Variants in STKLD1 observed in about 807,000 individuals in gnomAD.
STKLD1 encodes serine/threonine kinase like domain containing 1, also known as serine/threonine kinase-like domain-containing protein STKLD1.
A neutral mutation model predicts 80.4 loss-of-function variants in STKLD1; 79 were observed. The ratio of observed to expected loss-of-function variants is 0.98; its 90% CI spans 0.82 to 1.19. STKLD1 has a LOEUF of 1.19. STKLD1 is among the 50% of genes most tolerant of loss of function. The probability of loss-of-function intolerance (pLI) is 0.00; values close to 1 mark genes in which losing one functional copy is unlikely to be tolerated. For missense variants in STKLD1, 841 were observed against 856.0 expected, an observed-to-expected ratio of 0.98 and a Z score of 0.22; for synonymous variants, 393 against 357.6, an observed-to-expected ratio of 1.10 and a Z score of -1.12.
intron 1 of STKLD1, among the ~76,000 whole-genome samples, chr9:133,377,081 C>G (rs2130252742): frequency 3.0e-4 from 45 of 152,304 alleles, no homozygotes; most frequent in South Asian, 1.2e-3. Context: ...AATGCATTCG[C>G]TTGGAAACAG....
At position 133,387,373 on chromosome 9, in the gene STKLD1, G is replaced by A. The variant is rs112304622; in HGVS notation, c.295-74G>A. ...GCAAATGGCAGCTGAGCGCAGGGAG[G>A]CCCTGGAGCAGGTGAGCCTGCAGAA... On this transcript the variant is annotated intron_variant, in intron 4 of 17. Transcript: ENST00000371957. The A allele has an allele frequency of 1.1e-4, 135 of 1,211,404 alleles. No homozygotes were observed. The African/African-American group carries it at 1.2e-3, about 11-fold the overall frequency. The allele number at this position is 1,211,404 out of a possible 1,614,324, so 75.0% of individuals were successfully genotyped here.
intron 16 of STKLD1, 118 bp downstream of exon 16, chr9:133,404,166 A>C: frequency 2.3e-6 from 3 of 1,298,838 alleles, no homozygotes; most frequent in Non-Finnish European, 3.1e-6. Context: ...TCAAAAAGGA[A>C]AAGAAATTAA....
intron 7 of STKLD1, among the ~76,000 whole-genome samples, chr9:133,391,190 G>A (rs1382153662): frequency 6.6e-6 from 1 of 150,814 alleles, no homozygotes; most frequent in Admixed American, 6.6e-5. Context: ...GGGAGGTGGG[G>A]GGCTCAGCCC....
rs782280372 is a variant in STKLD1, at chr9:133,402,900, G to T, written c.1362G>T (p.Glu454Asp). 1 of 1,592,064 alleles carries T rather than the reference G, an allele frequency of 6.3e-7. No individual in the cohort carries two copies. Among genetic ancestry groups the T allele is most frequent in the African/African-American group, 1.3e-5 (1 of 74,550 alleles). The change falls in exon 14 of 18, where the codon GAG (glutamate) becomes GAT (aspartate). Residue 454 changes from glutamate to aspartate, a missense_variant. Transcript: ENST00000371957. ...TTQESESLSEELQNAGLLEHI... is the reference protein window; with the variant it reads ...TTQESESLSEDLQNAGLLEHI... ...CAGAGTCAGAGTCACTGTCAGAGGAGCTGCAGAATGCTGGGCTGCTGGAGC... is the reference window on the plus strand; with the variant it reads ...CAGAGTCAGAGTCACTGTCAGAGGATCTGCAGAATGCTGGGCTGCTGGAGC...
rs2130271318 is a variant in STKLD1, at chr9:133,383,880, G to A, written c.199G>A (p.Ala67Thr). The change falls in exon 3 of 18, where the codon GCC (alanine) becomes ACC (threonine). Residue 67 changes from alanine to threonine, a missense_variant. Coordinates refer to ENST00000371957, the MANE Select transcript of STKLD1 (RefSeq NM_153710.5). ...KQVECMDDHY[A>T]SQALEELMPL... ...GGTGGAATGCATGGATGACCATTACGCCAGTCAGGCCCTGGAGGAGGTAAC... is the reference window on the plus strand; with the variant it reads ...GGTGGAATGCATGGATGACCATTACACCAGTCAGGCCCTGGAGGAGGTAAC... The A allele has an allele frequency of 1.7e-5, 27 of 1,613,870 alleles. No homozygotes were observed. In the African/African-American group the frequency reaches 2.9e-4, roughly 18 times the overall value.
rs2130290318 is a variant in STKLD1, at chr9:133,391,841, TAAAA to T, written c.583+1056_583+1059del. 1.4e-3 allele frequency among the ~76,000 whole-genome samples: 196 copies of T among 136,892 alleles called. 1 individual carries two copies. Among genetic ancestry groups the T allele is most frequent in the African/African-American group, 1.1e-3 (41 of 37,280 alleles). The allele number at this position is 136,892 out of a possible 152,430, so 89.8% of individuals were successfully genotyped here. On this transcript the variant is annotated intron_variant, in intron 7 of 17. Coordinates refer to ENST00000371957, the MANE Select transcript of STKLD1 (RefSeq NM_153710.5). The stretch of plus-strand genomic sequence containing the variant: ...CGAGAAACACCCAAGAATGATCAAT[TAAAA>T]AAAAAAAAAAGAAAGAAAATGCCCA...
intron 12 of STKLD1, 91 bp from the exon 13 acceptor site, chr9:133,401,647 G>A: frequency 6.9e-7 from 1 of 1,449,002 alleles, no homozygotes; most frequent in Non-Finnish European, 9.2e-7. Context: ...GCAAAGTGGA[G>A]ATGCTATCCC....
chr9:133,383,623 AGTG>A (rs1393485373), intron 2 of STKLD1, among the ~76,000 whole-genome samples: 1 of 19,010 alleles, frequency 5.3e-5, no homozygotes, highest in African/African-American at 2.0e-4. Flanking sequence ...TGGTAATGGT[AGTG>A]GTGGTGGTGT....
Position 133,390,543 on chromosome 9 carries a change from G to A in STKLD1, c.468-138G>A. 1.5e-6 allele frequency: 1 copy of A among 667,454 alleles called. No homozygotes were observed. Among genetic ancestry groups the A allele is most frequent in the Admixed American group, 2.3e-5 (1 of 43,478 alleles). 41.3% of individuals were successfully genotyped at this position (667,454 alleles called of 1,614,324 possible). ...TTTTGTGGAGGAGAGGAGGATGTGG[G>A]CTGCTGCTGCAGAACCAGGTGGGGC... On this transcript the variant is annotated intron_variant, in intron 6 of 17. Transcript: ENST00000371957. This position sits in a 1 kb window ranked among gnomAD's most constrained non-coding sequence, Gnocchi z 5.1.
intron 13 of STKLD1, 75 bp downstream of exon 13, chr9:133,401,953 T>A: frequency 6.3e-7 from 1 of 1,575,476 alleles, no homozygotes. Context: ...AAGGGTTGGT[T>A]TGGGGTATAG....
intron 5 of STKLD1, among the ~76,000 whole-genome samples, chr9:133,388,112 C>T (rs1389912760): frequency 6.6e-6 from 1 of 152,144 alleles, no homozygotes; most frequent in Non-Finnish European, 1.5e-5. Flanking sequence ...ATTATTGGGT[C>T]GTAGAGTACA....
At chr9:133,404,221 TC>T (rs1190956294) in intron 16 of STKLD1, among the ~76,000 whole-genome samples, 173 bp downstream of exon 16, 1 of 152,208 alleles carries the variant, frequency 6.6e-6, no homozygotes, top group Non-Finnish European at 1.5e-5. Flanking sequence ...ATCAAGACTT[TC>T]ACGCACACTT....
chr9:133,395,690 C>A lies in STKLD1; in HGVS notation c.793C>A (p.Pro265Thr). 1 of 1,613,472 alleles carries A rather than the reference C, an allele frequency of 6.2e-7. No homozygotes were observed. The highest frequency in any genetic ancestry group is 2.2e-5 in the East Asian group (1 of 44,888). ...GAAGACAATGGAGGAGAAGCAGATCCCGGATGTGGAAACCTTCAGGAATCT... is the reference window on the plus strand; with the variant it reads ...GAAGACAATGGAGGAGAAGCAGATCACGGATGTGGAAACCTTCAGGAATCT... ...VLKTMEEKQI[P>T]DVETFRNLLP... Residue 265 changes from proline to threonine, a missense_variant, in exon 9 of 18, where the codon CCG becomes ACG. Physicochemically the swap from Pro to Thr is conservative, Grantham distance 38 (BLOSUM62 -1). Transcript: ENST00000371957.
intron 13 of STKLD1, 65 bp from the exon 14 acceptor site, chr9:133,402,810 GGAC>G: frequency 6.5e-7 from 1 of 1,540,040 alleles, no homozygotes; most frequent in South Asian, 1.2e-5. Flanking sequence ...CAGTGCCCAA[GGAC>G]AACAGAGGCA....
chr9:133,385,161 TCTC>T lies in STKLD1; in HGVS notation c.220-455_220-453del, dbSNP rs1838236525. 6.6e-6 allele frequency among the ~76,000 whole-genome samples: 1 copy of T among 152,150 alleles called. No homozygotes were observed. The highest frequency in any genetic ancestry group is 2.4e-5 in the African/African-American group (1 of 41,434). ...AAGCAGTTGTCTGTCTGGCTCCATG[TCTC>T]TAAGGCAGCCCTATCTGCTCCTGTT... On this transcript the variant is annotated intron_variant, in intron 3 of 17. Coordinates refer to ENST00000371957, the MANE Select transcript of STKLD1 (RefSeq NM_153710.5). The surrounding 1 kb of genome is among the most constrained non-coding windows in gnomAD (Gnocchi z 4.9).
chr9:133,376,642 C>T (rs1837966637), intron 1 of STKLD1, 82 bp downstream of exon 1: 3 of 1,237,866 alleles, frequency 2.4e-6, no homozygotes, highest in Non-Finnish European at 3.3e-6. Context: ...CGGTTCCGAC[C>T]GAGGGCGGCG....
intron 16 of STKLD1, 148 bp downstream of exon 16, chr9:133,404,196 C>T: frequency 9.5e-7 from 1 of 1,047,988 alleles, no homozygotes; most frequent in South Asian, 1.7e-5. Flanking sequence ...GAAGTCCAGT[C>T]ATCCAGAAAT....
intron 16 of STKLD1, among the ~76,000 whole-genome samples, chr9:133,404,407 G>T (rs1838788617): frequency 6.6e-6 from 1 of 152,146 alleles, no homozygotes; most frequent in Non-Finnish European, 1.5e-5. Flanking sequence ...CAGCTAGACA[G>T]GCTGGGCCCA....
rs1554777711 is a variant in STKLD1, at chr9:133,401,785, A to G, written c.1246A>G (p.Thr416Ala). 1 of 1,613,220 alleles carries G rather than the reference A, an allele frequency of 6.2e-7. No individual in the cohort carries two copies. Among genetic ancestry groups the G allele is most frequent in the African/African-American group, 1.3e-5 (1 of 74,900 alleles). Residue 416 changes from threonine (T) to alanine (A), a missense_variant, in exon 13 of 18, where the codon ACC (threonine) becomes GCC (alanine). Thr to Ala is a moderately conservative substitution (Grantham distance 58). Coordinates refer to ENST00000371957, the MANE Select transcript of STKLD1 (RefSeq NM_153710.5). ...CAAGGCTCCCTGCAACCAAGCCATC[A>G]CCTCCACCCTGCTGAGTGCTCTTCA... ...EAKAPCNQAI[T>A]STLLSALQSH...
Sources: gnomAD v4.1 joint callset for allele counts (sites outside exome capture counted in the v4.1 genomes callset) on GRCh38, gnomAD v4.1.1 for gene constraint, Gnocchi (gnomAD v3.1) non-coding constraint, MANE v1.5 for transcripts, NCBI Gene and HGNC (gene_info 2026-07-23, HGNC 2026-07-21) for gene names.